The following DDX42 variants were observed in gnomAD, a reference collection of about 807,000 sequenced individuals.
The protein encoded by DDX42 is DEAD-box helicase 42.
A neutral mutation model predicts 101.5 loss-of-function variants in DDX42; 22 were observed. That is an observed-to-expected ratio of 0.22 (90% CI 0.15 to 0.31). DDX42 has a LOEUF of 0.31. DDX42 is among the 10% of genes least tolerant of loss of function. The probability of loss-of-function intolerance (pLI) is 1.00; values close to 1 mark genes in which losing one functional copy is unlikely to be tolerated. For synonymous variants in DDX42, 402 were observed against 401.2 expected, an observed-to-expected ratio of 1.00 and a Z score of -0.02; for missense variants, 849 against 1,199.9, an observed-to-expected ratio of 0.71 and a Z score of 4.32.
In DDX42 at chr17:63,811,928, T is replaced by C. The variant is rs775713964; in HGVS notation, c.1399-4T>C. On this transcript the variant is annotated splice_region_variant and splice_polypyrimidine_tract_variant and intron_variant, in intron 13 of 17. Coordinates refer to ENST00000389924, the MANE Select transcript of DDX42 (RefSeq NM_203499.3). ...AATCATCTGTTTCATTTCTTCCTTC[T>C]CAGGCAAATGAAGATGTGACACAGA... The C allele has an allele frequency of 4.3e-6, 7 of 1,614,130 alleles. No individual in the cohort carries two copies. In the African/African-American group the frequency reaches 9.3e-5, roughly 22 times the overall value.
intron 2 of DDX42, among the ~76,000 whole-genome samples, chr17:63,790,019 T>G (rs2039606203): frequency 6.6e-6 from 1 of 152,150 alleles, no homozygotes; most frequent in Admixed American, 6.5e-5. Flanking sequence ...TTTTCATTAG[T>G]TAAATAGAAC....
At chr17:63,807,985 CTTT>C in intron 9 of DDX42, 85 bp downstream of exon 9, 1 of 1,245,870 alleles carries the variant, frequency 8.0e-7, no homozygotes, top group Non-Finnish European at 1.1e-6. Flanking sequence ...GACCAGGAAA[CTTT>C]TTTTTTTAAT....
intron 6 of DDX42, 36 bp downstream of exon 6, chr17:63,800,653 A>C: frequency 6.2e-7 from 1 of 1,605,580 alleles, no homozygotes; most frequent in Non-Finnish European, 8.5e-7. Context: ...CTCTTGTTTC[A>C]AGCTGATGCT....
chr17:63,802,512 A>G (rs1335221581), intron 6 of DDX42, among the ~76,000 whole-genome samples: 1 of 152,244 alleles, frequency 6.6e-6, no homozygotes, highest in East Asian at 1.9e-4. Flanking sequence ...TCACGCCTGT[A>G]ATTTCAACAC....
intron 5 of DDX42, 147 bp from the exon 6 acceptor site, chr17:63,800,321 A>T: frequency 1.6e-6 from 1 of 616,362 alleles, no homozygotes; most frequent in Non-Finnish European, 2.7e-6. Flanking sequence ...TGCTATTATT[A>T]AAGGAATCAT....
At chr17:63,789,697 C>T (rs1047734010) in intron 2 of DDX42, among the ~76,000 whole-genome samples, 3 of 151,428 alleles carry the variant, frequency 2.0e-5, no homozygotes, top group East Asian at 1.9e-4. Flanking sequence ...TCTCAGCCTC[C>T]TTAGTAGCTG....
intron 1 of DDX42, among the ~76,000 whole-genome samples, chr17:63,784,972 A>G (rs2039528800): frequency 6.6e-6 from 1 of 152,240 alleles, no homozygotes; most frequent in African/African-American, 2.4e-5. Flanking sequence ...ATCACAGTAT[A>G]TCATTAGGTG....
intron 3 of DDX42, among the ~76,000 whole-genome samples, chr17:63,795,864 C>T (rs996071632): frequency 6.6e-6 from 1 of 152,172 alleles, no homozygotes; most frequent in East Asian, 1.9e-4. Context: ...CAAAATTCAC[C>T]TCCAAACCCC....
intron 1 of DDX42, among the ~76,000 whole-genome samples, chr17:63,786,478 G>A (rs547744712): frequency 6.6e-6 from 1 of 152,196 alleles, no homozygotes; most frequent in Non-Finnish European, 1.5e-5. Context: ...AGGCTTGAGT[G>A]CAGTGGCGTG....
Position 63,787,138 on chromosome 17 carries a change from A to G in DDX42, c.89A>G (p.Lys30Arg), listed in dbSNP as rs2039556964. 1.2e-6 allele frequency: 2 copies of G among 1,614,130 alleles called. No homozygotes were observed. The highest frequency in any genetic ancestry group is 2.2e-5 in the East Asian group (1 of 44,878). The change falls in exon 2 of 18, where the codon AAA becomes AGA. Residue 30 changes from lysine (K) to arginine (R), a missense_variant. Coordinates refer to ENST00000389924, the MANE Select transcript of DDX42 (RefSeq NM_203499.3). ...AGTGCTGGGAAAAAGGAGGAACCCA[A>G]ACTCCCACAGCAGTCCCACAGTGCC... The part of the protein sequence containing the change: ...AISAGKKEEP[K>R]LPQQSHSAFG...
chr17:63,792,468 C>T lies in DDX42; in HGVS notation c.278C>T (p.Ala93Val). Residue 93 changes from alanine to valine, a missense_variant, in exon 3 of 18, where the codon GCT becomes GTT. Transcript: ENST00000389924. ...SSNVDLPYIP[A>V]ENSPTRQQFH... The stretch of plus-strand genomic sequence containing the variant: ...AACGTTGATTTACCTTACATTCCTG[C>T]TGAAAACTCACCAACTCGCCAGCAA... 1 of 1,613,846 alleles carries T rather than the reference C, an allele frequency of 6.2e-7. No homozygotes were observed.
intron 11 of DDX42, 61 bp downstream of exon 11, chr17:63,809,720 G>A (rs552289657): frequency 5.1e-6 from 7 of 1,376,542 alleles, no homozygotes; most frequent in Non-Finnish European, 6.2e-6. Flanking sequence ...TTTTTTCCAT[G>A]TCTTTCTAGA....
chr17:63,789,747 A>T (rs2039603105), intron 2 of DDX42, among the ~76,000 whole-genome samples: 2 of 150,078 alleles, frequency 1.3e-5, no homozygotes, highest in Admixed American at 1.3e-4. Context: ...CTAATTTTGT[A>T]TTTTTAGTAG....
intron 15 of DDX42, 84 bp from the exon 16 acceptor site, chr17:63,815,479 C>A: frequency 2.0e-6 from 2 of 994,910 alleles, no homozygotes; most frequent in South Asian, 1.5e-5. Context: ...TCCCCCTTCC[C>A]ACTTAATTTC....
intron 1 of DDX42, among the ~76,000 whole-genome samples, chr17:63,784,165 A>G (rs981984598): frequency 6.6e-5 from 10 of 152,352 alleles, no homozygotes; most frequent in African/African-American, 2.4e-4. Flanking sequence ...TATATAGACA[A>G]GGGGTATAGA....
intron 1 of DDX42, among the ~76,000 whole-genome samples, chr17:63,786,008 A>G (rs1286330671): frequency 2.0e-5 from 3 of 152,230 alleles, no homozygotes; most frequent in Admixed American, 6.5e-5. Context: ...GTGGCCTTGC[A>G]CATATCAGAT....
chr17:63,798,365 G>A (rs1263423537), intron 4 of DDX42, among the ~76,000 whole-genome samples: 2 of 152,212 alleles, frequency 1.3e-5, no homozygotes, highest in South Asian at 4.1e-4. Flanking sequence ...ATGAATTATA[G>A]TAGAGTTTAG....
chr17:63,790,846 G>A (rs1045159738), intron 2 of DDX42, among the ~76,000 whole-genome samples: 1 of 152,012 alleles, frequency 6.6e-6, no homozygotes, highest in African/African-American at 2.4e-5. Flanking sequence ...CAGGAGAATT[G>A]CTTGAACCTG....
At chr17:63,786,972 G>T (rs1157240041) in intron 1 of DDX42, 62 bp from the exon 2 acceptor site, 1 of 1,562,924 alleles carries the variant, frequency 6.4e-7, no homozygotes, top group African/African-American at 1.4e-5. Flanking sequence ...CACCGCGCCC[G>T]GCCCTTGGGG....
Sources: gnomAD v4.1 joint callset for allele counts (sites outside exome capture counted in the v4.1 genomes callset) on GRCh38, gnomAD v4.1.1 for gene constraint, MANE v1.5 for transcripts, NCBI Gene and HGNC (gene_info 2026-07-23, HGNC 2026-07-21) for gene names.